The following CRIM1 variants were observed in gnomAD, a reference collection of about 807,000 sequenced individuals.
The protein encoded by CRIM1 is cysteine rich transmembrane BMP regulator 1.
Under a neutral mutation model 116.4 loss-of-function variants are expected in CRIM1, and 32 were observed. The observed-to-expected ratio is 0.27, with a 90% CI of 0.21 to 0.37. CRIM1 has a LOEUF of 0.37. Among genes scored for constraint, CRIM1 ranks in the 10% least tolerant of loss-of-function variants. The pLI is 1.00. For missense variants in CRIM1, 1,331 were observed against 1,354.8 expected, an observed-to-expected ratio of 0.98 and a Z score of 0.28; for synonymous variants, 590 against 509.2, an observed-to-expected ratio of 1.16 and a Z score of -2.13.
In CRIM1 at chr2:36,546,869, C is replaced by CA; in HGVS notation, c.2747-109dup. ...TAGATTTTAATCACATTTTTAGCCT[C>CA]AAAAAACTGGGAAGCAATAAAACCA... On this transcript the variant is annotated intron_variant, in intron 15 of 16. Coordinates refer to ENST00000280527, the MANE Select transcript of CRIM1 (RefSeq NM_016441.3). 3 of 487,168 alleles carry CA rather than the reference C, an allele frequency of 6.2e-6. No homozygotes were observed. The East Asian group carries it at 1.4e-4, about 22-fold the overall frequency. The allele number at this position is 487,168 out of a possible 1,614,324, so 30.2% of individuals were successfully genotyped here. A position where few individuals can be genotyped will look rare whatever the true frequency, so the allele number is the denominator to read the frequency against.
rs1013951561 is a variant in CRIM1, at chr2:36,510,923, C to CTT, written c.1658+803_1658+804dup. On this transcript the variant is annotated intron_variant, in intron 9 of 16. Transcript: ENST00000280527. ...GTTTATGTAGTGCTAGATTCCTTTTCTTTTTTTTTTTTTTTTTTTTCAGGC... is the reference window on the plus strand; with the variant it reads ...GTTTATGTAGTGCTAGATTCCTTTTCTTTTTTTTTTTTTTTTTTTTTTCAGGC... Among the ~76,000 whole-genome samples, 466 of 109,178 alleles carry CTT rather than the reference C, an allele frequency of 4.3e-3. 11 individuals are homozygous for CTT. The highest frequency in any genetic ancestry group is 0.015 in the African/African-American group (420 of 28,444). The allele number at this position is 109,178 out of a possible 152,430, so 71.6% of individuals were successfully genotyped here. A position where few individuals can be genotyped will look rare whatever the true frequency, so the allele number is the denominator to read the frequency against.
At chr2:36,539,041 C>G (rs1044167317) in intron 14 of CRIM1, among the ~76,000 whole-genome samples, 5 of 152,120 alleles carry the variant, frequency 3.3e-5, no homozygotes, top group African/African-American at 1.2e-4. Flanking sequence ...ACGGAGCTTA[C>G]GTTGTAGTAG....
At chr2:36,516,661 C>T (rs1202742565) in intron 11 of CRIM1, among the ~76,000 whole-genome samples, 1 of 152,194 alleles carries the variant, frequency 6.6e-6, no homozygotes, top group Non-Finnish European at 1.5e-5. Flanking sequence ...CATTCCTGCT[C>T]AGTTTGCTGG....
intron 7 of CRIM1, among the ~76,000 whole-genome samples, chr2:36,497,099 T>G (rs1044027595): frequency 3.3e-5 from 5 of 152,214 alleles, no homozygotes; most frequent in Admixed American, 2.6e-4. Context: ...TTTTCCATAG[T>G]ATGTTTTCTG....
At chr2:36,506,804 A>T (rs2125100727) in intron 8 of CRIM1, among the ~76,000 whole-genome samples, 1 of 152,230 alleles carries the variant, frequency 6.6e-6, no homozygotes, top group East Asian at 1.9e-4. Flanking sequence ...ACAAACATAT[A>T]AACCCCTACC....
chr2:36,487,188 T>C (rs1199591962), intron 7 of CRIM1, among the ~76,000 whole-genome samples: 1 of 152,186 alleles, frequency 6.6e-6, no homozygotes, highest in African/African-American at 2.4e-5. Context: ...CTCCTACTGT[T>C]TGCCTCAGTT....
At chr2:36,501,401 C>T (rs1346258147) in intron 8 of CRIM1, among the ~76,000 whole-genome samples, 2 of 152,152 alleles carry the variant, frequency 1.3e-5, no homozygotes, top group Non-Finnish European at 2.9e-5. Flanking sequence ...TCTACAGTGG[C>T]GTTAGTGCTA....
At chr2:36,541,790 C>T (rs1368804335) in intron 14 of CRIM1, among the ~76,000 whole-genome samples, 1 of 152,148 alleles carries the variant, frequency 6.6e-6, no homozygotes, top group Non-Finnish European at 1.5e-5. Flanking sequence ...CACTGTCCAT[C>T]TGTAATGCCA....
chr2:36,516,768 C>T (rs971540594), intron 11 of CRIM1, among the ~76,000 whole-genome samples: 1 of 152,204 alleles, frequency 6.6e-6, no homozygotes. Context: ...GCAGATAGGG[C>T]ATCGATCATT....
chr2:36,510,863 T>C (rs1054154429), intron 9 of CRIM1, among the ~76,000 whole-genome samples: 2 of 152,104 alleles, frequency 1.3e-5, no homozygotes, highest in African/African-American at 2.4e-5. Flanking sequence ...TTTGCTGTCT[T>C]TCTTTCATTT....
chr2:36,550,359 C>T lies in CRIM1; in HGVS notation c.*1658C>T, dbSNP rs1216408851. 6.6e-6 allele frequency: 1 copy of T among 151,278 alleles called. No homozygotes were observed. The highest frequency in any genetic ancestry group is 1.5e-5 in the Non-Finnish European group (1 of 67,882). 9.4% of individuals were successfully genotyped at this position (151,278 alleles called of 1,614,324 possible). On this transcript the variant is annotated 3_prime_UTR_variant, in exon 17 of 17. Coordinates refer to ENST00000280527, the MANE Select transcript of CRIM1 (RefSeq NM_016441.3). ...ACTGTATACTATAGTGGTAACTTTT[C>T]AAACAGCCCTTAGCACTTTTATACT...
chr2:36,504,798 C>T (rs1681274824), intron 8 of CRIM1, among the ~76,000 whole-genome samples: 4 of 152,150 alleles, frequency 2.6e-5, no homozygotes, highest in African/African-American at 9.7e-5. Context: ...ACTACATAAA[C>T]TCTGTATGAA....
intron 2 of CRIM1, among the ~76,000 whole-genome samples, chr2:36,429,299 G>C (rs1372658267): frequency 6.6e-6 from 1 of 152,204 alleles, no homozygotes; most frequent in Non-Finnish European, 1.5e-5. Flanking sequence ...AAATGGAAGA[G>C]AATCCTGGAA....
At chr2:36,362,062 G>A (rs1208700981) in intron 1 of CRIM1, among the ~76,000 whole-genome samples, 1 of 152,058 alleles carries the variant, frequency 6.6e-6, no homozygotes, top group African/African-American at 2.4e-5. Flanking sequence ...AAACTAGGGA[G>A]CCCGGGGACC....
intron 15 of CRIM1, among the ~76,000 whole-genome samples, chr2:36,544,802 A>G (rs1667200687): frequency 6.6e-6 from 1 of 152,194 alleles, no homozygotes; most frequent in Admixed American, 6.5e-5. Context: ...TGGAACTTCT[A>G]AGCCATCTCT....
In CRIM1 at chr2:36,429,494, G is replaced by A. The variant is rs3770894; in HGVS notation, c.506-11764G>A. Among the ~76,000 whole-genome samples the A allele has an allele frequency of 7.4e-3, 1,134 of 152,250 alleles. 42 individuals carry two copies. In the East Asian group the frequency reaches 0.086, roughly 12 times the overall value. ...TGGTATAGAAGAGGATGAGATTGGC[G>A]GGGACGGCTCTTGTTCAGGTCCATC... is the stretch of plus-strand genomic sequence containing the variant. On this transcript the variant is annotated intron_variant, in intron 2 of 16. Transcript: ENST00000280527.
At chr2:36,411,687 C>T (rs1673222157) in intron 2 of CRIM1, among the ~76,000 whole-genome samples, 2 of 114,204 alleles carry the variant, frequency 1.8e-5, no homozygotes, top group Admixed American at 9.3e-5. Context: ...TGTGTGTGTA[C>T]AGTTACCTGT....
At position 36,499,227 on chromosome 2, in the gene CRIM1, A is replaced by T; in HGVS notation, c.1381A>T (p.Ile461Phe). 1.9e-6 allele frequency: 3 copies of T among 1,610,140 alleles called. No homozygotes were observed. In the South Asian group the frequency reaches 3.3e-5, roughly 18 times the overall value. ...TCTCTATTTATTATTAGAACCAACC[A>T]TCATCACAGTTGATCCACCTGCATG... The part of the protein sequence containing the change: ...ECCPVCEEPT[I>F]ITVDPPACGE... The change falls in exon 8 of 17, where the codon ATC becomes TTC. Residue 461 changes from isoleucine to phenylalanine, a missense_variant. Ile to Phe is a conservative substitution (Grantham distance 21). Around this residue, in one of 3 missense-constraint regions of CRIM1, gnomAD observed 690 missense variants for 676.0 expected, o/e 1.02. Coordinates refer to ENST00000280527, the MANE Select transcript of CRIM1 (RefSeq NM_016441.3).
chr2:36,532,147 T>G (rs999629628), intron 13 of CRIM1: 1 of 363,320 alleles, frequency 2.8e-6, no homozygotes, highest in Non-Finnish European at 5.5e-6. Context: ...CCATCTTCTT[T>G]GCACGTTTCA....
Sources: allele counts gnomAD v4.1 joint callset (sites outside exome capture counted in the v4.1 genomes callset), GRCh38; gene constraint gnomAD v4.1.1; regional missense constraint gnomAD v4.1.1; transcripts MANE v1.5; gene names NCBI Gene and HGNC (gene_info 2026-07-23, HGNC 2026-07-21).